Variants in LRP1B observed in about 807,000 individuals in gnomAD.
LRP1B encodes low-density lipoprotein receptor-related protein 1B.
Under a neutral mutation model 556.6 loss-of-function variants are expected in LRP1B, and 217 were observed. The observed-to-expected ratio is 0.39, with a 90% CI of 0.35 to 0.44. The LOEUF (loss-of-function observed/expected upper bound fraction) is 0.44, where lower values mean the gene tolerates loss of function less well. LRP1B is among the 20% of genes least tolerant of loss of function. LRP1B has a pLI of 1.00. For missense variants in LRP1B, 5,053 were observed against 5,620.8 expected, an observed-to-expected ratio of 0.90 and a Z score of 3.23; for synonymous variants, 2,047 against 1,865.8, an observed-to-expected ratio of 1.10 and a Z score of -2.50.
chr2:140,928,616 T>C lies in LRP1B; in HGVS notation c.3137-5469A>G, dbSNP rs954408972. On this transcript the variant is annotated intron_variant, in intron 20 of 90. Transcript: ENST00000389484. ...TAGGGCCCCATCTTATTGGTCCCAG[T>C]CAACCACAAATGTCCCAGGAAGTAC... is the stretch of plus-strand genomic sequence containing the variant. Among the ~76,000 whole-genome samples, 5 of 152,234 alleles carry C rather than the reference T, an allele frequency of 3.3e-5. No individual in the cohort carries two copies. The East Asian group carries it at 9.7e-4, about 29-fold the overall frequency.
chr2:141,619,047 G>C (rs1222340463), intron 2 of LRP1B, among the ~76,000 whole-genome samples: 1 of 152,198 alleles, frequency 6.6e-6, no homozygotes, highest in African/African-American at 2.4e-5. Context: ...CTTGAACAGA[G>C]TAACTCACCT....
intron 34 of LRP1B, among the ~76,000 whole-genome samples, chr2:140,770,352 G>C (rs1455489269): frequency 6.6e-6 from 1 of 151,894 alleles, no homozygotes; most frequent in Non-Finnish European, 1.5e-5. Flanking sequence ...ATGATCATTA[G>C]ATATAAAAGA....
intron 1 of LRP1B, among the ~76,000 whole-genome samples, chr2:141,897,443 C>T (rs1031012083): frequency 1.6e-4 from 25 of 152,046 alleles, no homozygotes; most frequent in Non-Finnish European, 2.9e-5. Flanking sequence ...CTAATTTTTG[C>T]ACCACATGAG....
intron 1 of LRP1B, among the ~76,000 whole-genome samples, chr2:141,939,462 G>GGT (rs1700729986): frequency 6.6e-6 from 1 of 151,972 alleles, no homozygotes; most frequent in African/African-American, 2.4e-5. Flanking sequence ...CAAACTCCAT[G>GGT]GTGTGTAAGA....
chr2:141,464,604 A>AT lies in LRP1B; in HGVS notation c.343+15791dup, dbSNP rs1415837703. 8.2e-5 allele frequency among the ~76,000 whole-genome samples: 6 copies of AT among 72,780 alleles called. 1 individual carries two copies. Among genetic ancestry groups the AT allele is most frequent in the African/African-American group, 3.2e-4 (6 of 18,694 alleles). 47.7% of individuals were successfully genotyped at this position (72,780 alleles called of 152,430 possible). A position where few individuals can be genotyped will look rare whatever the true frequency, so the allele number is the denominator to read the frequency against. On this transcript the variant is annotated intron_variant, in intron 3 of 90. Coordinates refer to ENST00000389484, the MANE Select transcript of LRP1B (RefSeq NM_018557.3). The stretch of plus-strand genomic sequence containing the variant: ...ATTTTGTATATATATATATATATAT[A>AT]TATTTTTTTAGTAGAGATGGGGTTT...
chr2:140,950,839 G>GA (rs1225860684), intron 19 of LRP1B, among the ~76,000 whole-genome samples: 6 of 130,788 alleles, frequency 4.6e-5, no homozygotes, highest in African/African-American at 8.6e-5. Context: ...TTTTTTTTTT[G>GA]AAAAATGAAT....
chr2:141,442,494 T>C lies in LRP1B; in HGVS notation c.343+37902A>G, dbSNP rs1032463175. 7.3e-5 allele frequency among the ~76,000 whole-genome samples: 11 copies of C among 151,416 alleles called. No individual in the cohort carries two copies. The South Asian group carries it at 1.7e-3, about 23-fold the overall frequency. On this transcript the variant is annotated intron_variant, in intron 3 of 90. Transcript: ENST00000389484. Reference sequence around the variant, plus strand: ...GTGCAGAACATGTAGGTTTGTTACATAGTTATACAAGTGCCATGGTGGTTT... The same window carrying C: ...GTGCAGAACATGTAGGTTTGTTACACAGTTATACAAGTGCCATGGTGGTTT...
rs192274658 is a variant in LRP1B at position 141,954,693 on chromosome 2, G to A, written c.83-144292C>T. The stretch of plus-strand genomic sequence containing the variant: ...TCCATTTCCTCTTAATATAAACTGT[G>A]CGTTCATATCTTCAGGTCTTTCTTC... On this transcript the variant is annotated intron_variant, in intron 1 of 90. Coordinates refer to ENST00000389484, the MANE Select transcript of LRP1B (RefSeq NM_018557.3). Among the ~76,000 whole-genome samples the A allele has an allele frequency of 1.4e-3, 217 of 152,086 alleles. 1 individual carries two copies. The highest frequency in any genetic ancestry group is 5.0e-3 in the African/African-American group (208 of 41,522).
chr2:140,605,588 T>C (rs1682838019), intron 41 of LRP1B, among the ~76,000 whole-genome samples: 1 of 151,920 alleles, frequency 6.6e-6, no homozygotes, highest in Non-Finnish European at 1.5e-5. Flanking sequence ...TTGCTTCTCT[T>C]TTTATTTCTC....
intron 66 of LRP1B, among the ~76,000 whole-genome samples, chr2:140,398,026 T>A (rs116601277): frequency 1.8e-3 from 270 of 152,282 alleles, no homozygotes; most frequent in Middle Eastern, 0.01. Flanking sequence ...TCACGTAAGA[T>A]GAAGCTTTAA....
chr2:140,239,787 CT>C (rs1207301221), intron 87 of LRP1B, among the ~76,000 whole-genome samples: 1 of 150,874 alleles, frequency 6.6e-6, no homozygotes, highest in Non-Finnish European at 1.5e-5. Flanking sequence ...AGAGATCTGA[CT>C]TTTTTGTTGA....
intron 2 of LRP1B, among the ~76,000 whole-genome samples, chr2:141,543,456 G>T (rs762423263): frequency 1.3e-5 from 2 of 149,510 alleles, no homozygotes; most frequent in Non-Finnish European, 3.0e-5. Context: ...CTGAAGTTGA[G>T]GTTGCAGTGA....
At chr2:141,304,286 T>C (rs1686501877) in intron 3 of LRP1B, among the ~76,000 whole-genome samples, 1 of 152,038 alleles carries the variant, frequency 6.6e-6, no homozygotes, top group African/African-American at 2.4e-5. Flanking sequence ...TGTGTACCTA[T>C]TTTTATTTTT....
At chr2:140,702,320 C>G (rs758457701) in intron 38 of LRP1B, 28 bp from the exon 39 acceptor site, 3 of 1,611,404 alleles carry the variant, frequency 1.9e-6, no homozygotes, top group Non-Finnish European at 2.5e-6. Flanking sequence ...AGTAACGTTA[C>G]AGACTATATT....
intron 10 of LRP1B, among the ~76,000 whole-genome samples, chr2:141,053,715 A>T (rs187078032): frequency 1.3e-5 from 2 of 152,104 alleles, no homozygotes; most frequent in East Asian, 3.9e-4. Context: ...ATGACTTTCA[A>T]TGTACTCCAG....
At chr2:140,660,023 T>C (rs1685033999) in intron 41 of LRP1B, among the ~76,000 whole-genome samples, 1 of 152,088 alleles carries the variant, frequency 6.6e-6, no homozygotes, top group Non-Finnish European at 1.5e-5. Context: ...CAGCCATTAT[T>C]TAAATTAATG....
intron 3 of LRP1B, among the ~76,000 whole-genome samples, chr2:141,329,494 A>G (rs1189281659): frequency 2.0e-4 from 31 of 151,950 alleles, no homozygotes; most frequent in Non-Finnish European, 4.4e-5. Context: ...AATACGAAAA[A>G]TTAGCCGGGT....
chr2:140,406,257 A>C (rs1175083781), intron 66 of LRP1B, among the ~76,000 whole-genome samples: 1 of 152,122 alleles, frequency 6.6e-6, no homozygotes, highest in Non-Finnish European at 1.5e-5. Context: ...GAAAAGTTGA[A>C]AGCATGACCC....
chr2:141,578,878 T>A (rs1686855623), intron 2 of LRP1B, among the ~76,000 whole-genome samples: 1 of 152,136 alleles, frequency 6.6e-6, no homozygotes, highest in Admixed American at 6.5e-5. Context: ...AATTCTATAA[T>A]TCCCAGGGCA....
Sources: allele counts gnomAD v4.1 joint callset (sites outside exome capture counted in the v4.1 genomes callset), GRCh38; gene constraint gnomAD v4.1.1; transcripts MANE v1.5; gene names NCBI Gene and HGNC (gene_info 2026-07-23, HGNC 2026-07-21).